The following CENPP variants were observed in gnomAD, a reference collection of about 807,000 sequenced individuals.
The protein encoded by CENPP is centromere protein P.
A neutral mutation model predicts 35.6 loss-of-function variants in CENPP; 24 were observed. The observed-to-expected ratio is 0.67, with a 90% CI of 0.49 to 0.95. CENPP has a LOEUF of 0.95. Ranked by LOEUF, CENPP falls within the 40% of genes least tolerant of loss-of-function variation. The probability of loss-of-function intolerance (pLI) is 0.00; values close to 1 mark genes in which losing one functional copy is unlikely to be tolerated. For synonymous variants in CENPP, 120 were observed against 125.5 expected (o/e 0.96, Z 0.29); for missense variants, 332 against 345.3 (o/e 0.96, Z 0.31).
intron 5 of CENPP, among the ~76,000 whole-genome samples, chr9:92,595,729 G>C (rs1850765034): frequency 6.6e-6 from 1 of 151,228 alleles, no homozygotes; most frequent in African/African-American, 2.4e-5. Flanking sequence ...CCATGCCTGG[G>C]TAATTTATTT....
chr9:92,382,892 C>CTTTTT (rs1213731251), intron 5 of CENPP, among the ~76,000 whole-genome samples: 1 of 69,804 alleles, frequency 1.4e-5, no homozygotes, highest in African/African-American at 4.9e-5. Flanking sequence ...CACTGTTTTC[C>CTTTTT]TTTTTTTTTT....
At chr9:92,426,609 G>C (rs566241012) in intron 5 of CENPP, among the ~76,000 whole-genome samples, 6 of 152,286 alleles carry the variant, frequency 3.9e-5, no homozygotes, top group African/African-American at 1.4e-4. Context: ...ATGGGGGTAC[G>C]GGTCAACAGT....
chr9:92,405,393 A>G (rs1405725266), intron 5 of CENPP, among the ~76,000 whole-genome samples: 1 of 152,110 alleles, frequency 6.6e-6, no homozygotes, highest in Non-Finnish European at 1.5e-5. Flanking sequence ...TATATATTTT[A>G]TTAAAATAGA....
chr9:92,535,849 G>A (rs1849137370), intron 5 of CENPP: 5 of 368,688 alleles, frequency 1.4e-5, no homozygotes, highest in South Asian at 1.1e-4. Flanking sequence ...TTACTCAAGA[G>A]TTAAACAGTT....
At chr9:92,429,292 C>T (rs1266919945) in intron 5 of CENPP, among the ~76,000 whole-genome samples, 1 of 152,148 alleles carries the variant, frequency 6.6e-6, no homozygotes. Flanking sequence ...ACCTCCCAGA[C>T]CTTACCTGGT....
At chr9:92,563,144 C>T (rs1849886742) in intron 5 of CENPP, among the ~76,000 whole-genome samples, 1 of 152,106 alleles carries the variant, frequency 6.6e-6, no homozygotes, top group Non-Finnish European at 1.5e-5. Context: ...AAATGACTGA[C>T]TTTTCTTTTA....
chr9:92,403,422 A>T, intron 5 of CENPP: 1 of 1,591,736 alleles, frequency 6.3e-7, no homozygotes. Flanking sequence ...GCAAAAATCA[A>T]GGTGACTGGA....
At chr9:92,567,403 T>TATATATATATATATATATATAGATATAG (rs1554688343) in intron 5 of CENPP, among the ~76,000 whole-genome samples, 40 of 138,666 alleles carry the variant, frequency 2.9e-4, no homozygotes, top group Non-Finnish European at 4.4e-4. Flanking sequence ...TATAGATATA[T>TATATATATATATATATATATAGATATAG]ATATAAAGTG....
intron 5 of CENPP, among the ~76,000 whole-genome samples, chr9:92,494,550 ATTG>A (rs1414830948): frequency 6.6e-6 from 1 of 152,146 alleles, no homozygotes; most frequent in Non-Finnish European, 1.5e-5. Flanking sequence ...TCATATTATT[ATTG>A]TTGTTCATGT....
intron 5 of CENPP, chr9:92,505,824 C>T: frequency 1.5e-6 from 1 of 687,336 alleles, no homozygotes; most frequent in Admixed American, 3.3e-5. Context: ...CCTTTGTATC[C>T]TCCTATAAAA....
chr9:92,546,472 G>A (rs1009924096), intron 5 of CENPP, among the ~76,000 whole-genome samples: 3 of 152,100 alleles, frequency 2.0e-5, no homozygotes, highest in Admixed American at 6.5e-5. Context: ...TGAAGCCAGC[G>A]AGTCCACGAA....
intron 5 of CENPP, among the ~76,000 whole-genome samples, chr9:92,390,278 G>A (rs1842617407): frequency 6.6e-6 from 1 of 152,078 alleles, no homozygotes; most frequent in Non-Finnish European, 1.5e-5. Flanking sequence ...AGAATCTCAG[G>A]TTTGAAAGTG....
At chr9:92,558,629 G>A (rs762632235) in intron 5 of CENPP, among the ~76,000 whole-genome samples, 9 of 152,124 alleles carry the variant, frequency 5.9e-5, no homozygotes, top group Non-Finnish European at 1.0e-4. Context: ...CTGTCAAGAG[G>A]TGATGCTTCC....
intron 5 of CENPP, among the ~76,000 whole-genome samples, chr9:92,435,889 G>C (rs910935680): frequency 6.6e-6 from 1 of 152,186 alleles, no homozygotes; most frequent in Admixed American, 6.5e-5. Context: ...AGGTTTTTGT[G>C]TCAACATGAG....
intron 5 of CENPP, among the ~76,000 whole-genome samples, chr9:92,567,722 CTGTTAAAGTAACAGAGATTAGGTG>C (rs2131349993): frequency 6.6e-6 from 1 of 152,120 alleles, no homozygotes; most frequent in African/African-American, 2.4e-5. Context: ...TGTGACAGAG[CTGTTAAAGTAACAGAGATTAGGTG>C]TGTTATTGAA....
intron 5 of CENPP, among the ~76,000 whole-genome samples, chr9:92,604,091 T>C (rs1162496720): frequency 6.6e-6 from 1 of 152,230 alleles, no homozygotes; most frequent in Non-Finnish European, 1.5e-5. Flanking sequence ...AGGAGAGGGA[T>C]TGCTGGATCA....
chr9:92,447,032 A>G (rs1052560908), intron 5 of CENPP, among the ~76,000 whole-genome samples: 5 of 152,142 alleles, frequency 3.3e-5, no homozygotes, highest in African/African-American at 9.7e-5. Flanking sequence ...GTTTCAAAAC[A>G]AAGGAATGAG....
At chr9:92,574,768 A>G (rs1304552056) in intron 5 of CENPP, among the ~76,000 whole-genome samples, 1 of 152,214 alleles carries the variant, frequency 6.6e-6, no homozygotes, top group Admixed American at 6.5e-5. Flanking sequence ...AGCCAAAACA[A>G]TCTTCAAAAA....
At chr9:92,611,794 A>T (rs559915625) in intron 6 of CENPP, among the ~76,000 whole-genome samples, 109 of 152,222 alleles carry the variant, frequency 7.2e-4, no homozygotes, top group African/African-American at 2.6e-3. Context: ...TGATCCCTCC[A>T]CCAGCCCCGG....
Sources: allele counts gnomAD v4.1 joint callset (sites outside exome capture counted in the v4.1 genomes callset), GRCh38; gene constraint gnomAD v4.1.1; transcripts MANE v1.5; gene names NCBI Gene and HGNC (gene_info 2026-07-23, HGNC 2026-07-21).